Variants in AP2B1 observed in about 807,000 individuals in gnomAD.
AP2B1 encodes AP-2 complex subunit beta.
In AP2B1, 23 loss-of-function variants were observed where a neutral mutation model predicts 102.0. The observed-to-expected ratio is 0.23, with a 90% confidence interval of 0.16 to 0.32. AP2B1 has a LOEUF of 0.32. AP2B1 is among the 10% of genes least tolerant of loss of function. AP2B1 has a pLI of 1.00. For missense variants in AP2B1, 541 were observed against 1,157.4 expected, an observed-to-expected ratio of 0.47 and a Z score of 7.73; for synonymous variants, 381 against 421.2, an observed-to-expected ratio of 0.90 and a Z score of 1.17.
intron 12 of AP2B1, among the ~76,000 whole-genome samples, chr17:35,643,652 T>C (rs1257028631): frequency 6.6e-6 from 1 of 152,210 alleles, no homozygotes; most frequent in African/African-American, 2.4e-5. Flanking sequence ...GCATTATTAA[T>C]AGACATCTGG....
intron 5 of AP2B1, among the ~76,000 whole-genome samples, chr17:35,615,017 C>T (rs138156316): frequency 8.2e-4 from 125 of 152,190 alleles, no homozygotes; most frequent in African/African-American, 2.8e-3. Context: ...TGGCATATAT[C>T]GGGTAGAGTC....
At chr17:35,710,184 A>G (rs1555586796) in intron 19 of AP2B1, 50 bp from the exon 20 acceptor site, 1 of 1,339,564 alleles carries the variant, frequency 7.5e-7, no homozygotes, top group Admixed American at 1.7e-5. Flanking sequence ...GAAAATCAGA[A>G]TACTGACAGC....
chr17:35,710,403 C>T, intron 20 of AP2B1, 83 bp downstream of exon 20: 2 of 908,872 alleles, frequency 2.2e-6, no homozygotes, highest in Non-Finnish European at 3.5e-6. Flanking sequence ...TTTGCCTACC[C>T]TTTTATCCTC....
At chr17:35,598,174 T>G in intron 2 of AP2B1, 56 bp from the exon 3 acceptor site, 1 of 1,049,672 alleles carries the variant, frequency 9.5e-7, no homozygotes, top group Non-Finnish European at 1.5e-6. Context: ...TAGTGTAGTA[T>G]TCTGCTCTAA....
chr17:35,628,035 A>G (rs1339728329), intron 9 of AP2B1, among the ~76,000 whole-genome samples: 2 of 152,344 alleles, frequency 1.3e-5, no homozygotes, highest in Admixed American at 6.5e-5. Flanking sequence ...AGGGGAAAAG[A>G]AAAAGGATGG....
At chr17:35,665,793 A>T (rs1309102712) in intron 14 of AP2B1, among the ~76,000 whole-genome samples, 1 of 152,188 alleles carries the variant, frequency 6.6e-6, no homozygotes, top group African/African-American at 2.4e-5. Context: ...ACCTGCAGTT[A>T]AGAGAATGTC....
chr17:35,634,623 G>A (rs984248449), intron 9 of AP2B1, among the ~76,000 whole-genome samples: 1 of 152,076 alleles, frequency 6.6e-6, no homozygotes, highest in Non-Finnish European at 1.5e-5. Flanking sequence ...TTAATTATAG[G>A]CTATGGAAAA....
At chr17:35,607,795 C>A in intron 4 of AP2B1, 3 of 101,220 alleles carry the variant, frequency 3.0e-5, no homozygotes, top group Admixed American at 1.1e-4. Context: ...TTTTTTTTTT[C>A]CTGTGCCGGA....
At chr17:35,645,389 A>T (rs1357417945) in intron 12 of AP2B1, among the ~76,000 whole-genome samples, 1 of 152,226 alleles carries the variant, frequency 6.6e-6, no homozygotes, top group African/African-American at 2.4e-5. Flanking sequence ...AGTGAAGTAT[A>T]TGTGAAATCT....
At chr17:35,640,227 ATT>A (rs745826240) in intron 11 of AP2B1, among the ~76,000 whole-genome samples, 23 of 60,572 alleles carry the variant, frequency 3.8e-4, no homozygotes, top group African/African-American at 1.5e-3. Flanking sequence ...AGTTTTACTG[ATT>A]TTTTTTTTTT....
At chr17:35,640,247 T>A (rs1634682) in intron 11 of AP2B1, among the ~76,000 whole-genome samples, 95,631 of 147,170 alleles carry the variant, frequency 0.65, 31,176 homozygotes, top group African/African-American at 0.66. Flanking sequence ...TTTTTTTTTT[T>A]TTTTTTTTGA....
rs781851685 is a variant in AP2B1, at chr17:35,717,349, G to A, written c.2781G>A (p.Thr927=). ...LRIQPGNPNY[T]LSLKCRAPEV... is the part of the protein sequence containing the mutation. ...TCCAGCCAGGAAACCCCAATTACAC[G>A]GTAAGGCCTTTCTCAGAATGGGTGA... Residue 927 remains threonine, a splice_region_variant and synonymous_variant, in exon 21 of 22, where the codon ACG becomes ACA. Coordinates refer to ENST00000610402, the MANE Select transcript of AP2B1 (RefSeq NM_001030006.2). 3.1e-6 allele frequency: 5 copies of A among 1,613,944 alleles called. No homozygotes were observed. Among genetic ancestry groups the A allele is most frequent in the South Asian group, 1.1e-5 (1 of 91,074 alleles).
chr17:35,642,695 T>G (rs2074816630), intron 12 of AP2B1, among the ~76,000 whole-genome samples: 1 of 152,220 alleles, frequency 6.6e-6, no homozygotes, highest in Non-Finnish European at 1.5e-5. Flanking sequence ...AAATGGAATA[T>G]GATTCAGATA....
intron 12 of AP2B1, among the ~76,000 whole-genome samples, chr17:35,642,978 T>G (rs1195509610): frequency 1.3e-5 from 2 of 151,786 alleles, no homozygotes; most frequent in African/African-American, 4.8e-5. Flanking sequence ...TTTGCATCTC[T>G]AAGATGAATT....
chr17:35,594,674 A>G (rs907893802), intron 2 of AP2B1, among the ~76,000 whole-genome samples: 1 of 152,228 alleles, frequency 6.6e-6, no homozygotes, highest in African/African-American at 2.4e-5. Flanking sequence ...TTCTTCGTCT[A>G]GATGTATATT....
intron 21 of AP2B1, among the ~76,000 whole-genome samples, chr17:35,722,200 C>T (rs929763388): frequency 4.6e-5 from 7 of 152,098 alleles, no homozygotes; most frequent in Admixed American, 2.0e-4. Context: ...ACTGAGATCA[C>T]GCCACTGCAC....
chr17:35,707,649 C>T (rs1023532328), intron 18 of AP2B1, among the ~76,000 whole-genome samples: 3 of 151,838 alleles, frequency 2.0e-5, no homozygotes, highest in African/African-American at 7.3e-5. Context: ...GACGGGGTTT[C>T]TTCACGTTGG....
At chr17:35,713,427 C>T (rs1349572275) in intron 20 of AP2B1, among the ~76,000 whole-genome samples, 1 of 152,182 alleles carries the variant, frequency 6.6e-6, no homozygotes, top group Non-Finnish European at 1.5e-5. Flanking sequence ...CCTTTGAGTC[C>T]ACCCCCAGGT....
chr17:35,643,756 C>T (rs961268624), intron 12 of AP2B1, among the ~76,000 whole-genome samples: 1 of 150,274 alleles, frequency 6.7e-6, no homozygotes, highest in Non-Finnish European at 1.5e-5. Context: ...TAATAACAGT[C>T]GTCATGGGAA....
Sources: gnomAD v4.1 joint callset for allele counts (sites outside exome capture counted in the v4.1 genomes callset) on GRCh38, gnomAD v4.1.1 for gene constraint, MANE v1.5 for transcripts, NCBI Gene and HGNC (gene_info 2026-07-23, HGNC 2026-07-21) for gene names.